Variants in NHS observed in about 807,000 individuals in gnomAD.
NHS encodes actin remodeling regulator NHS.
In NHS, 5 loss-of-function variants were observed where a neutral mutation model predicts 72.5. The ratio of observed to expected loss-of-function variants is 0.07; its 90% CI spans 0.04 to 0.14. NHS has a LOEUF of 0.14. Among genes scored for constraint, NHS ranks in the 10% least tolerant of loss-of-function variants. The pLI is 1.00. For synonymous variants in NHS, 464 were observed against 547.7 expected (o/e 0.85, Z 2.13); for missense variants, 1,072 against 1,355.7 (o/e 0.79, Z 3.29).
intron 1 of NHS, among the ~76,000 whole-genome samples, chrX:17,522,504 C>G (rs1201008914): frequency 3.0e-5 from 2 of 66,990 alleles, no homozygotes; most frequent in African/African-American, 9.8e-5. Flanking sequence ...CCCCCCCCCC[C>G]CCGCCCCATC....
chrX:17,617,740 T>C (rs749101290), intron 1 of NHS, among the ~76,000 whole-genome samples: 1 of 112,336 alleles, frequency 8.9e-6, no homozygotes, highest in South Asian at 3.7e-4. Context: ...GATATGAGAT[T>C]CGAGACCTAA....
chrX:17,711,139 A>G (rs1395182287), intron 3 of NHS, among the ~76,000 whole-genome samples: 1 of 112,049 alleles, frequency 8.9e-6, no homozygotes, highest in African/African-American at 3.2e-5. Context: ...TTCCTTACTC[A>G]TGTCTTTTAT....
chrX:17,669,620 T>C (rs745793567), intron 1 of NHS, among the ~76,000 whole-genome samples: 2 of 111,655 alleles, frequency 1.8e-5, no homozygotes, highest in East Asian at 5.6e-4. Context: ...CTTGATCCAC[T>C]AGAGGGCTCA....
chrX:17,672,723 C>T (rs748617483), intron 1 of NHS, among the ~76,000 whole-genome samples: 4 of 112,621 alleles, frequency 3.6e-5, no homozygotes, highest in Non-Finnish European at 7.5e-5. Context: ...TCACATCTCC[C>T]TGTTTTAGTT....
At chrX:17,501,197 C>T (rs59323996) in intron 1 of NHS, among the ~76,000 whole-genome samples, 2,967 of 108,277 alleles carry the variant, frequency 0.027, 127 homozygotes, top group African/African-American at 0.094. Flanking sequence ...TGGCAAAACC[C>T]TGTCTCTAGA....
At chrX:17,478,014 G>A (rs1249479469) in intron 1 of NHS, among the ~76,000 whole-genome samples, 1 of 111,755 alleles carries the variant, frequency 8.9e-6, no homozygotes, top group Non-Finnish European at 1.9e-5. Flanking sequence ...AAGAAGATAT[G>A]CCACGTTCAC....
Position 17,719,156 on chromosome X carries a change from G to A in NHS, c.853-188G>A, listed in dbSNP as rs901011292. 10 of 374,968 alleles carry A rather than the reference G, an allele frequency of 2.7e-5. No individual in the cohort carries two copies. In the Admixed American group the frequency reaches 3.4e-4, roughly 13 times the overall value. The allele number at this position is 374,968 out of a possible 1,213,427, so 30.9% of individuals were successfully genotyped here. Reference sequence around the variant, plus strand: ...AGAAGAAAGGAAGGAATAATAAGGAGAAGGAAGGAATAATGAGAAGGAAGG... The same window carrying A: ...AGAAGAAAGGAAGGAATAATAAGGAAAAGGAAGGAATAATGAGAAGGAAGG... On this transcript the variant is annotated intron_variant, in intron 3 of 8. Coordinates refer to ENST00000676302, the MANE Select transcript of NHS (RefSeq NM_001291867.2).
chrX:17,721,663 T>C (rs986386108), intron 5 of NHS, 30 bp downstream of exon 5: 1 of 1,149,446 alleles, frequency 8.7e-7, no homozygotes, highest in Non-Finnish European at 1.2e-6. Flanking sequence ...TTAGGGGCAG[T>C]CGGGTCAGAA....
chrX:17,683,203 T>C (rs1326137704), intron 1 of NHS, among the ~76,000 whole-genome samples: 1 of 112,172 alleles, frequency 8.9e-6, no homozygotes, highest in Non-Finnish European at 1.9e-5. Flanking sequence ...GCTTTTGTGG[T>C]TATCTGTTTG....
intron 1 of NHS, among the ~76,000 whole-genome samples, chrX:17,467,349 C>G (rs940991624): frequency 2.7e-5 from 3 of 111,576 alleles, no homozygotes; most frequent in African/African-American, 9.8e-5. Context: ...AACACAGCAT[C>G]TCATCTCTTG....
chrX:17,403,145 T>G (rs912280015), intron 1 of NHS, among the ~76,000 whole-genome samples: 2 of 111,705 alleles, frequency 1.8e-5, no homozygotes, highest in Non-Finnish European at 3.8e-5. Context: ...CCCACCCATA[T>G]GCTGGATGGG....
At chrX:17,650,714 C>T (rs2065927013) in intron 1 of NHS, among the ~76,000 whole-genome samples, 1 of 112,276 alleles carries the variant, frequency 8.9e-6, no homozygotes, top group African/African-American at 3.2e-5. Flanking sequence ...AACTATTTAG[C>T]CTTGTAGAGT....
intron 1 of NHS, among the ~76,000 whole-genome samples, chrX:17,536,920 A>C (rs2065227807): frequency 8.9e-6 from 1 of 112,065 alleles, no homozygotes; most frequent in Admixed American, 9.5e-5. Flanking sequence ...GTGTATGGTG[A>C]GTTGAATTTT....
chrX:17,642,803 T>C (rs1338946456), intron 1 of NHS, among the ~76,000 whole-genome samples: 2 of 112,723 alleles, frequency 1.8e-5, no homozygotes, highest in African/African-American at 3.2e-5. Context: ...TTCACTCCGG[T>C]TATTTTGATT....
chrX:17,414,590 C>T (rs2064581308), intron 1 of NHS, among the ~76,000 whole-genome samples: 1 of 111,567 alleles, frequency 9.0e-6, no homozygotes, highest in Non-Finnish European at 1.9e-5. Context: ...TTCTCTAAGA[C>T]GTTACTAGCA....
chrX:17,626,591 G>A (rs1391616365), intron 1 of NHS, among the ~76,000 whole-genome samples: 1 of 111,779 alleles, frequency 8.9e-6, no homozygotes, highest in Non-Finnish European at 1.9e-5. Flanking sequence ...GCACTGGGAA[G>A]TTTGCTAAGT....
chrX:17,499,083 G>T (rs750188377), intron 1 of NHS, among the ~76,000 whole-genome samples: 5 of 112,037 alleles, frequency 4.5e-5, no homozygotes, highest in Non-Finnish European at 9.4e-5. Context: ...TACCTGGCCA[G>T]GAGTTCCAGA....
chrX:17,687,717 C>G, intron 1 of NHS, 25 bp from the exon 2 acceptor site: 4 of 1,105,546 alleles, frequency 3.6e-6, no homozygotes, highest in Non-Finnish European at 4.7e-6. Context: ...CACTGATGGA[C>G]AACGCCCTGT....
intron 1 of NHS, among the ~76,000 whole-genome samples, chrX:17,635,070 C>T (rs1029185036): frequency 9.8e-5 from 11 of 111,689 alleles, no homozygotes; most frequent in Non-Finnish European, 1.7e-4. Context: ...TTTCGATAGC[C>T]ACATGGCACT....
Sources: allele counts gnomAD v4.1 joint callset (sites outside exome capture counted in the v4.1 genomes callset), GRCh38; gene constraint gnomAD v4.1.1; transcripts MANE v1.5; gene names NCBI Gene and HGNC (gene_info 2026-07-23, HGNC 2026-07-21).